The following KLF8 variants were observed in gnomAD, a reference collection of about 807,000 sequenced individuals.
The protein encoded by KLF8 is KLF transcription factor 8.
In KLF8, 10 loss-of-function variants were observed where a neutral mutation model predicts 18.2. The observed-to-expected ratio is 0.55, with a 90% confidence interval of 0.34 to 0.93. KLF8 has a LOEUF of 0.93. Ranked by LOEUF, KLF8 falls within the 40% of genes least tolerant of loss-of-function variation. The pLI, the probability that KLF8 is intolerant of heterozygous loss-of-function variation, is 0.02. For synonymous variants in KLF8, 109 were observed against 97.3 expected, an observed-to-expected ratio of 1.12 and a Z score of -0.71; for missense variants, 264 against 277.9, an observed-to-expected ratio of 0.95 and a Z score of 0.36.
intron 5 of KLF8, among the ~76,000 whole-genome samples, chrX:56,283,288 CT>C (rs2067224438): frequency 8.9e-6 from 1 of 112,215 alleles, no homozygotes; most frequent in African/African-American, 3.2e-5. Context: ...AGTTTCTAAC[CT>C]TACACAAAAG....
At chrX:56,284,285 T>C (rs897612143) in intron 5 of KLF8, 28 bp from the exon 6 acceptor site, 1 of 1,060,167 alleles carries the variant, frequency 9.4e-7, no homozygotes, top group Non-Finnish European at 1.2e-6. Context: ...TCTCTGATTC[T>C]CTTTTTTTTG....
the KLF8 span, among the ~76,000 whole-genome samples, chrX:56,025,060 C>T: frequency 9.8e-5 from 11 of 112,310 alleles, no homozygotes; most frequent in African/African-American, 3.6e-4. Context: ...GAACTGGGTC[C>T]GTAGGGACTA....
At chrX:55,988,827 C>T in the KLF8 span, among the ~76,000 whole-genome samples, 9 of 111,786 alleles carry the variant, frequency 8.1e-5, no homozygotes, top group South Asian at 7.5e-4. Flanking sequence ...ATTCTCCCTA[C>T]GCATGAGCAT....
the KLF8 span, among the ~76,000 whole-genome samples, chrX:56,157,935 T>C: frequency 8.9e-6 from 1 of 112,055 alleles, no homozygotes; most frequent in South Asian, 3.7e-4. Flanking sequence ...TTGCCATTGC[T>C]TTTGGTGTTT....
chrX:56,067,227 G>A, the KLF8 span, among the ~76,000 whole-genome samples: 12 of 104,769 alleles, frequency 1.1e-4, no homozygotes, highest in East Asian at 1.6e-3. Context: ...TGTGGAGTAC[G>A]TGAGTACCAG....
chrX:55,962,529 C>T, the KLF8 span: 2 of 172,746 alleles, frequency 1.2e-5, no homozygotes, highest in African/African-American at 6.1e-5. Flanking sequence ...TCTTCAGTCT[C>T]TGCTATTGGG....
At chrX:56,166,427 A>T in the KLF8 span, among the ~76,000 whole-genome samples, 1 of 111,981 alleles carries the variant, frequency 8.9e-6, no homozygotes, top group Non-Finnish European at 1.9e-5. Context: ...GTATCAATGC[A>T]GTGAAGAAGG....
chrX:56,178,156 G>A, the KLF8 span, among the ~76,000 whole-genome samples: 3 of 112,265 alleles, frequency 2.7e-5, no homozygotes, highest in East Asian at 5.6e-4. Flanking sequence ...TGGTACCTCA[G>A]TTGGAAATGC....
At chrX:56,185,286 G>T in the KLF8 span, among the ~76,000 whole-genome samples, 8 of 111,695 alleles carry the variant, frequency 7.2e-5, no homozygotes, top group East Asian at 2.3e-3. Context: ...GATAGAAGAT[G>T]AAATGAATGA....
the KLF8 span, among the ~76,000 whole-genome samples, chrX:56,195,234 T>C: frequency 8.9e-6 from 1 of 112,247 alleles, no homozygotes; most frequent in African/African-American, 3.2e-5. Flanking sequence ...AGTATGACTT[T>C]GACAAGTTGA....
chrX:56,256,295 AG>A (rs1438457957), intron 2 of KLF8, among the ~76,000 whole-genome samples: 1 of 111,481 alleles, frequency 9.0e-6, no homozygotes, highest in Non-Finnish European at 1.9e-5. Context: ...GCCTGGCTAA[AG>A]GTATGTCAAT....
the KLF8 span, among the ~76,000 whole-genome samples, chrX:56,180,445 T>A: frequency 2.7e-5 from 3 of 111,604 alleles, no homozygotes; most frequent in Admixed American, 1.9e-4. Flanking sequence ...TCAGCGTTTT[T>A]TTGTGTCTCT....
Position 56,265,428 on chromosome X carries a change from C to T in KLF8, c.330C>T (p.Pro110=), listed in dbSNP as rs2066957037. ...GCATGCTACAAGCTCCAATACGTCC[C>T]CCCAAGCCACAGTCTTCTCCCCAGA... ...PASMLQAPIR[P]PKPQSSPQTL... is the part of the protein sequence containing the mutation. Residue 110 remains proline (P), a synonymous_variant, in exon 3 of 6, where the codon CCC becomes CCT. Coordinates refer to ENST00000468660, the MANE Select transcript of KLF8 (RefSeq NM_007250.5). 15 of 1,209,817 alleles carry T rather than the reference C, an allele frequency of 1.2e-5. No individual in the cohort carries two copies. Among genetic ancestry groups the T allele is most frequent in the African/African-American group, 1.7e-5 (1 of 57,210 alleles).
chrX:56,247,584 T>C lies in KLF8; in HGVS notation c.8-2647T>C, dbSNP rs1260021239. 4.5e-5 allele frequency among the ~76,000 whole-genome samples: 5 copies of C among 112,031 alleles called. No homozygotes were observed. The Admixed American group carries it at 4.8e-4, about 11-fold the overall frequency. ...TTGTATTCTTATTTTATAAGCTTTT[T>C]TCTATTGTTAATTATTTTTTTTTTG... On this transcript the variant is annotated intron_variant, in intron 1 of 5. Coordinates refer to ENST00000468660, the MANE Select transcript of KLF8 (RefSeq NM_007250.5).
At chrX:56,012,266 A>T in the KLF8 span, among the ~76,000 whole-genome samples, 8 of 112,007 alleles carry the variant, frequency 7.1e-5, no homozygotes, top group African/African-American at 2.3e-4. Flanking sequence ...CCTACCCACC[A>T]CAATCAAGTT....
At chrX:56,218,883 C>T in the KLF8 span, among the ~76,000 whole-genome samples, 1 of 111,586 alleles carries the variant, frequency 9.0e-6, no homozygotes, top group South Asian at 3.7e-4. Context: ...AGCATGAGGC[C>T]AAGACCTCAC....
the KLF8 span, among the ~76,000 whole-genome samples, chrX:56,067,176 C>T: frequency 1.9e-5 from 2 of 104,854 alleles, no homozygotes; most frequent in Admixed American, 2.0e-4. Flanking sequence ...TTTAAGGTGG[C>T]TGACTAGAGG....
chrX:55,934,822 C>T, the KLF8 span, among the ~76,000 whole-genome samples: 1 of 112,350 alleles, frequency 8.9e-6, no homozygotes, highest in Admixed American at 9.4e-5. Flanking sequence ...ACTTCTCCCC[C>T]TTGGTGGGGA....
chrX:56,200,845 G>A, the KLF8 span, among the ~76,000 whole-genome samples: 9 of 111,520 alleles, frequency 8.1e-5, no homozygotes, highest in Admixed American at 1.9e-4. Context: ...CATACAAATA[G>A]TCAAAAGGTA....
Sources: gnomAD v4.1 joint callset for allele counts (sites outside exome capture counted in the v4.1 genomes callset) on GRCh38, gnomAD v4.1.1 for gene constraint, MANE v1.5 for transcripts, NCBI Gene and HGNC (gene_info 2026-07-23, HGNC 2026-07-21) for gene names.